The following CUX1 variants were observed in gnomAD, a reference collection of about 807,000 sequenced individuals.
CUX1 encodes the protein protein CASP.
In CUX1, 31 loss-of-function variants were observed where a neutral mutation model predicts 158.8. That is an observed-to-expected ratio of 0.20 (90% CI 0.15 to 0.26). The LOEUF (loss-of-function observed/expected upper bound fraction) is 0.26. Among genes scored for constraint, CUX1 ranks in the 10% least tolerant of loss-of-function variants. The pLI is 1.00. For missense variants in CUX1, 1,589 were observed against 2,014.6 expected, an observed-to-expected ratio of 0.79 and a Z score of 4.04; for synonymous variants, 879 against 862.1, an observed-to-expected ratio of 1.02 and a Z score of -0.34.
chr7:101,878,402 A>C (rs1799379263), intron 1 of CUX1, among the ~76,000 whole-genome samples: 1 of 152,204 alleles, frequency 6.6e-6, no homozygotes, highest in South Asian at 2.1e-4. Flanking sequence ...GCTAGATGAA[A>C]AGTTAGTTTG....
In CUX1 at chr7:102,206,467, C is replaced by T. The variant is rs545940006; in HGVS notation, c.3130+1297C>T. Among the ~76,000 whole-genome samples the T allele has an allele frequency of 3.3e-5, 5 of 152,290 alleles. No individual in the cohort carries two copies. The East Asian group carries it at 9.6e-4, about 29-fold the overall frequency. ...CATAGCTGTTTGTGCTGGAGTTTTA[C>T]GGACGTCTGCTTGGAAAGTTAGCCT... is the stretch of plus-strand genomic sequence containing the variant. On this transcript the variant is annotated intron_variant, in intron 20 of 23. Coordinates refer to ENST00000292535, the MANE Select transcript of CUX1 (RefSeq NM_181552.4).
intron 1 of CUX1, among the ~76,000 whole-genome samples, chr7:101,887,051 A>G (rs996521867): frequency 3.3e-5 from 5 of 152,130 alleles, no homozygotes; most frequent in African/African-American, 1.2e-4. Flanking sequence ...GTGGGGCCCA[A>G]TAGCAAATGT....
chr7:102,186,679 G>C (rs1234522567), intron 11 of CUX1: 1 of 151,694 alleles, frequency 6.6e-6, no homozygotes, highest in Non-Finnish European at 1.5e-5. Flanking sequence ...TCCCTTGCTT[G>C]ATCTGCAGTG....
intron 2 of CUX1, among the ~76,000 whole-genome samples, chr7:101,975,705 A>G (rs1812576743): frequency 2.0e-5 from 3 of 152,234 alleles, no homozygotes. Context: ...CTTAAACTCA[A>G]AACTCGTCCA....
intron 10 of CUX1, 47 bp downstream of exon 10, chr7:102,170,597 C>A: frequency 7.5e-7 from 1 of 1,340,860 alleles, no homozygotes; most frequent in Non-Finnish European, 1.0e-6. Context: ...CTGGCCTCCG[C>A]ACCTTCGAGT....
chr7:102,086,852 C>T (rs1241176214), intron 4 of CUX1, among the ~76,000 whole-genome samples: 9 of 151,912 alleles, frequency 5.9e-5, no homozygotes, highest in Non-Finnish European at 1.2e-4. Flanking sequence ...ATTATTATAT[C>T]GTCTCTCAAT....
chr7:101,849,468 A>G (rs1310970416), intron 1 of CUX1, among the ~76,000 whole-genome samples: 1 of 152,040 alleles, frequency 6.6e-6, no homozygotes, highest in Non-Finnish European at 1.5e-5. Flanking sequence ...GCAAAGGATA[A>G]TGGCCTCCAG....
intron 2 of CUX1, among the ~76,000 whole-genome samples, chr7:101,953,178 C>G (rs949284637): frequency 9.9e-5 from 15 of 152,188 alleles, no homozygotes; most frequent in African/African-American, 3.1e-4. Flanking sequence ...CTCTTCTCCC[C>G]CAACTGTGAC....
At chr7:102,165,821 A>G (rs79745909) in intron 9 of CUX1, among the ~76,000 whole-genome samples, 9,913 of 152,052 alleles carry the variant, frequency 0.065, 448 homozygotes, top group African/African-American at 0.12. Flanking sequence ...GGAATATGAC[A>G]CCAGCCCAGG....
intron 2 of CUX1, among the ~76,000 whole-genome samples, chr7:102,015,505 G>A (rs963952948): frequency 6.6e-6 from 1 of 152,136 alleles, no homozygotes; most frequent in East Asian, 1.9e-4. Context: ...TGGGGTTACA[G>A]GTGTGAGCCA....
At chr7:102,112,408 AT>A (rs34518572) in intron 7 of CUX1, among the ~76,000 whole-genome samples, 93,292 of 151,498 alleles carry the variant, frequency 0.62, 30,269 homozygotes, top group African/African-American at 0.77. Flanking sequence ...TGCCTGGCTG[AT>A]TTTTTGTATT....
chr7:102,133,467 C>CTTTTTTTT (rs11266929), intron 8 of CUX1, among the ~76,000 whole-genome samples: 1 of 90,576 alleles, frequency 1.1e-5, no homozygotes, highest in Non-Finnish European at 2.1e-5. Flanking sequence ...AAAAATACAT[C>CTTTTTTTT]TTTTTTTTTT....
chr7:102,088,527 G>C lies in CUX1; in HGVS notation c.269-8837G>C, dbSNP rs1224602125. 2.0e-5 allele frequency among the ~76,000 whole-genome samples: 3 copies of C among 152,096 alleles called. No individual in the cohort carries two copies. The South Asian group carries it at 6.2e-4, about 32-fold the overall frequency. On this transcript the variant is annotated intron_variant, in intron 4 of 23. Transcript: ENST00000292535. ...TGCACACCTGTAATCCCAGCTACTC[G>C]GGAGGCTGAGGCAGGAGATTCTCTT...
rs570411713 is a variant in CUX1 at position 102,237,698 on chromosome 7, G to A, written c.3623-1622G>A. On this transcript the variant is annotated intron_variant, in intron 22 of 23. Coordinates refer to ENST00000292535, the MANE Select transcript of CUX1 (RefSeq NM_181552.4). Reference sequence around the variant, plus strand: ...TGGGTCTCTCCCCGTGTGTGGAGACGAGAGAGTATAGAAATAAAGACACAA... The same window carrying A: ...TGGGTCTCTCCCCGTGTGTGGAGACAAGAGAGTATAGAAATAAAGACACAA... Among the ~76,000 whole-genome samples, 27 of 152,320 alleles carry A rather than the reference G, an allele frequency of 1.8e-4. No individual in the cohort carries two copies. The South Asian group carries it at 4.4e-3, about 25-fold the overall frequency.
At chr7:101,879,582 C>T (rs193094403) in intron 1 of CUX1, among the ~76,000 whole-genome samples, 22 of 152,206 alleles carry the variant, frequency 1.4e-4, no homozygotes, top group Non-Finnish European at 2.5e-4. Flanking sequence ...CTGGGGCTTA[C>T]TTCCCCTGCC....
At chr7:102,127,261 C>T (rs139009734) in intron 8 of CUX1, among the ~76,000 whole-genome samples, 51 of 152,328 alleles carry the variant, frequency 3.3e-4, no homozygotes, top group African/African-American at 1.1e-3. Flanking sequence ...GCCTGCAGGG[C>T]AGTTGCACTA....
At chr7:102,085,860 G>T (rs532200001) in intron 4 of CUX1, among the ~76,000 whole-genome samples, 1 of 151,858 alleles carries the variant, frequency 6.6e-6, no homozygotes, top group South Asian at 2.1e-4. Context: ...TTATTTTTTC[G>T]TAAAATTCAA....
intron 2 of CUX1, among the ~76,000 whole-genome samples, chr7:101,951,979 A>G (rs926002176): frequency 1.3e-5 from 2 of 152,262 alleles, no homozygotes; most frequent in African/African-American, 4.8e-5. Context: ...CTGTATGCCG[A>G]TAAAACTTTA....
At chr7:101,953,514 CAG>C (rs1053845259) in intron 2 of CUX1, among the ~76,000 whole-genome samples, 3 of 152,156 alleles carry the variant, frequency 2.0e-5, no homozygotes, top group Admixed American at 6.5e-5. Flanking sequence ...TTGTAGGAAT[CAG>C]GGGAGAGGAG....
Sources: gnomAD v4.1 joint callset for allele counts (sites outside exome capture counted in the v4.1 genomes callset) on GRCh38, gnomAD v4.1.1 for gene constraint, MANE v1.5 for transcripts, NCBI Gene and HGNC (gene_info 2026-07-23, HGNC 2026-07-21) for gene names.